The following CALCR variants were observed in gnomAD, a reference collection of about 807,000 sequenced individuals.
CALCR encodes calcitonin receptor.
Under a neutral mutation model 59.5 loss-of-function variants are expected in CALCR, and 47 were observed. That is an observed-to-expected ratio of 0.79 (90% CI 0.63 to 1.01). The LOEUF (loss-of-function observed/expected upper bound fraction) is 1.01, where lower values mean the gene tolerates loss of function less well. Among genes scored for constraint, CALCR ranks in the 50% least tolerant of loss-of-function variants. The pLI, the probability that CALCR is intolerant of heterozygous loss-of-function variation, is 0.00. For synonymous variants in CALCR, 213 were observed against 211.3 expected (o/e 1.01, Z -0.07); for missense variants, 566 against 597.1 (o/e 0.95, Z 0.54).
chr7:93,529,675 A>C (rs1788780605), intron 2 of CALCR, among the ~76,000 whole-genome samples: 2 of 152,136 alleles, frequency 1.3e-5, no homozygotes, highest in Admixed American at 6.6e-5. Context: ...TATCTGAGAC[A>C]TACAACTTTG....
At chr7:93,569,841 CG>C (rs1789960010) in intron 2 of CALCR, among the ~76,000 whole-genome samples, 2 of 151,512 alleles carry the variant, frequency 1.3e-5, no homozygotes, top group African/African-American at 4.9e-5. Flanking sequence ...TCTGAACCAC[CG>C]GACAAATAAA....
chr7:93,509,284 T>C (rs892297664), intron 2 of CALCR, among the ~76,000 whole-genome samples: 4 of 152,198 alleles, frequency 2.6e-5, no homozygotes, highest in Non-Finnish European at 5.9e-5. Context: ...ACTGAAAATC[T>C]AATTTAAGGA....
chr7:93,553,521 A>G (rs1289690070), intron 2 of CALCR, among the ~76,000 whole-genome samples: 1 of 152,002 alleles, frequency 6.6e-6, no homozygotes. Context: ...GCAGATTAAT[A>G]CAAATGGTAA....
At chr7:93,498,393 C>T (rs1801254815) in intron 2 of CALCR, among the ~76,000 whole-genome samples, 1 of 151,548 alleles carries the variant, frequency 6.6e-6, no homozygotes, top group Non-Finnish European at 1.5e-5. Context: ...AGAATTGTGC[C>T]ATTACCCAAA....
intron 2 of CALCR, among the ~76,000 whole-genome samples, chr7:93,523,175 A>G (rs1801800032): frequency 6.6e-6 from 1 of 152,200 alleles, no homozygotes; most frequent in Non-Finnish European, 1.5e-5. Flanking sequence ...ACCACTTAGA[A>G]TCTAGAAAAA....
intron 6 of CALCR, among the ~76,000 whole-genome samples, chr7:93,470,837 C>T (rs925367968): frequency 1.3e-5 from 2 of 151,490 alleles, no homozygotes; most frequent in Non-Finnish European, 2.9e-5. Flanking sequence ...AGGTTAGTTA[C>T]ATATGTACAC....
intron 2 of CALCR, among the ~76,000 whole-genome samples, chr7:93,500,148 G>A (rs892139501): frequency 6.6e-6 from 1 of 151,788 alleles, no homozygotes. Context: ...CTCTATCATA[G>A]GGTCCAACCT....
At chr7:93,518,968 C>T (rs1021709100) in intron 2 of CALCR, among the ~76,000 whole-genome samples, 3 of 151,862 alleles carry the variant, frequency 2.0e-5, no homozygotes, top group Non-Finnish European at 4.4e-5. Flanking sequence ...AATTTTTTAT[C>T]TAAATCTTTT....
chr7:93,505,839 C>T (rs1423675628), intron 2 of CALCR, among the ~76,000 whole-genome samples: 1 of 152,150 alleles, frequency 6.6e-6, no homozygotes, highest in Non-Finnish European at 1.5e-5. Context: ...GCGGCTCCAC[C>T]TTCCCTTCTC....
intron 2 of CALCR, among the ~76,000 whole-genome samples, chr7:93,502,740 C>T (rs1289364708): frequency 2.0e-5 from 3 of 151,706 alleles, no homozygotes; most frequent in Non-Finnish European, 4.4e-5. Context: ...TTTGGCACAC[C>T]GATACTAATG....
intron 2 of CALCR, among the ~76,000 whole-genome samples, chr7:93,546,877 G>A (rs1336655257): frequency 6.6e-6 from 1 of 152,016 alleles, no homozygotes; most frequent in Admixed American, 6.6e-5. Flanking sequence ...CTAATTCAAA[G>A]GATGTTATTA....
chr7:93,526,667 G>A (rs1477319839), intron 2 of CALCR, among the ~76,000 whole-genome samples: 3 of 151,996 alleles, frequency 2.0e-5, no homozygotes, highest in Non-Finnish European at 4.4e-5. Context: ...CATTAAGGCA[G>A]GTCATAACAT....
intron 2 of CALCR, among the ~76,000 whole-genome samples, chr7:93,489,773 T>C (rs1177410233): frequency 1.3e-5 from 2 of 151,958 alleles, no homozygotes; most frequent in Non-Finnish European, 2.9e-5. Flanking sequence ...ATTAATGGCC[T>C]ACCAACCAAA....
chr7:93,469,781 C>T (rs972101021), intron 6 of CALCR, among the ~76,000 whole-genome samples: 23 of 151,602 alleles, frequency 1.5e-4, no homozygotes, highest in African/African-American at 5.3e-4. Flanking sequence ...GTCTTAAGTT[C>T]CTTCAACAGT....
At chr7:93,469,980 C>T (rs550986934) in intron 6 of CALCR, among the ~76,000 whole-genome samples, 24 of 143,244 alleles carry the variant, frequency 1.7e-4, no homozygotes, top group African/African-American at 5.5e-4. Flanking sequence ...TATTCAGAGC[C>T]CTTTCTTGGT....
At chr7:93,534,466 G>C (rs1364166996) in intron 2 of CALCR, among the ~76,000 whole-genome samples, 1 of 151,330 alleles carries the variant, frequency 6.6e-6, no homozygotes, top group Non-Finnish European at 1.5e-5. Flanking sequence ...AAGATGGTAA[G>C]CCTGACTCCT....
intron 13 of CALCR, among the ~76,000 whole-genome samples, chr7:93,431,122 C>A (rs555499012): frequency 1.3e-5 from 2 of 152,210 alleles, no homozygotes; most frequent in South Asian, 4.2e-4. Flanking sequence ...AGTGCACAGC[C>A]CCAAGAGGCC....
At chr7:93,446,977 GAT>G (rs1562977082) in intron 8 of CALCR, among the ~76,000 whole-genome samples, 1 of 151,948 alleles carries the variant, frequency 6.6e-6, no homozygotes, top group Non-Finnish European at 1.5e-5. Context: ...TATAAAAAGA[GAT>G]AATTGCCACT....
rs1033787845 is a variant in CALCR at position 93,499,981 on chromosome 7, G to A, written c.-26-12974C>T. ...ACACTGTTGAAAAAATCCTCTTTCAGAATAAAGTACAACTGATTTTATTAA... is the reference window on the plus strand; with the variant it reads ...ACACTGTTGAAAAAATCCTCTTTCAAAATAAAGTACAACTGATTTTATTAA... On this transcript the variant is annotated intron_variant, in intron 2 of 13. Coordinates refer to ENST00000426151, the MANE Select transcript of CALCR (RefSeq NM_001742.4). 2.6e-5 allele frequency among the ~76,000 whole-genome samples: 4 copies of A among 151,888 alleles called. No individual in the cohort carries two copies. In the Admixed American group the frequency reaches 2.6e-4, roughly 10 times the overall value.
Sources: gnomAD v4.1 joint callset for allele counts (sites outside exome capture counted in the v4.1 genomes callset) on GRCh38, gnomAD v4.1.1 for gene constraint, MANE v1.5 for transcripts, NCBI Gene and HGNC (gene_info 2026-07-23, HGNC 2026-07-21) for gene names.